PEAK1: variants seen among roughly 807,000 people sequenced by gnomAD.
PEAK1 encodes the protein inactive tyrosine-protein kinase PEAK1.
In PEAK1, 54 loss-of-function variants were observed where a neutral mutation model predicts 124.7. The ratio of observed to expected loss-of-function variants is 0.43; its 90% CI spans 0.35 to 0.54. The LOEUF is 0.54. Among genes scored for constraint, PEAK1 ranks in the 20% least tolerant of loss-of-function variants. The pLI is 0.01. For synonymous variants in PEAK1, 719 were observed against 760.0 expected (o/e 0.95, Z 0.89); for missense variants, 2,046 against 2,134.5 (o/e 0.96, Z 0.82).
chr15:77,191,221 T>C (rs1263823372), intron 6 of PEAK1, among the ~76,000 whole-genome samples: 2 of 152,350 alleles, frequency 1.3e-5, no homozygotes, highest in South Asian at 4.1e-4. Flanking sequence ...AGGAGTATAA[T>C]AACTACCGTC....
At position 77,205,774 on chromosome 15, in the gene PEAK1, C is replaced by A. The variant is rs367977447; in HGVS notation, c.-114-23734G>T. 3.9e-5 allele frequency among the ~76,000 whole-genome samples: 6 copies of A among 152,038 alleles called. No individual in the cohort carries two copies. In the East Asian group the frequency reaches 1.2e-3, roughly 29 times the overall value. ...ACTTGATAGCCATGTAAGGAAACTG[C>A]CTCCAAATTTTAAGCTGGGAAGTCA... On this transcript the variant is annotated intron_variant, in intron 6 of 9. Transcript: ENST00000682557.
At chr15:77,185,626 T>C (rs2057506731) in intron 6 of PEAK1, among the ~76,000 whole-genome samples, 1 of 152,196 alleles carries the variant, frequency 6.6e-6, no homozygotes, top group Non-Finnish European at 1.5e-5. Flanking sequence ...GAAACCAGAC[T>C]GCAGTGAGTT....
chr15:77,387,667 A>C lies in PEAK1; in HGVS notation c.-665-22442T>G, dbSNP rs557664826. 2.1e-3 allele frequency among the ~76,000 whole-genome samples: 318 copies of C among 152,324 alleles called. 15 individuals are homozygous for C. The South Asian group carries it at 0.064, about 30-fold the overall frequency. The stretch of plus-strand genomic sequence containing the variant: ...AAATGAAAAAGCATTACCCAGGAAA[A>C]TGTGTTATAAAGTTACTTGAGGAAG... On this transcript the variant is annotated intron_variant, in intron 1 of 9. Coordinates refer to ENST00000682557, the MANE Select transcript of PEAK1 (RefSeq NM_001385026.1).
At chr15:77,123,941 A>G (rs1345022795) in intron 9 of PEAK1, among the ~76,000 whole-genome samples, 1 of 152,186 alleles carries the variant, frequency 6.6e-6, no homozygotes, top group Non-Finnish European at 1.5e-5. Context: ...GGAGTTGAAA[A>G]TTAAATATTG....
intron 1 of PEAK1, among the ~76,000 whole-genome samples, chr15:77,374,720 A>G (rs2068878950): frequency 6.6e-6 from 1 of 152,168 alleles, no homozygotes; most frequent in Non-Finnish European, 1.5e-5. Context: ...AGTTTCAGAG[A>G]GCCATATGAT....
chr15:77,164,118 T>G (rs1424925424), intron 7 of PEAK1, among the ~76,000 whole-genome samples: 2 of 152,196 alleles, frequency 1.3e-5, no homozygotes, highest in Non-Finnish European at 2.9e-5. Context: ...CTTTAGGACC[T>G]CCTACGAATG....
Position 77,401,605 on chromosome 15 carries a change from T to C in PEAK1, c.-666+18401A>G, listed in dbSNP as rs191407164. Reference sequence around the variant, plus strand: ...AGATCAATTAAACTCCCAAATCAGCTACAAACATATCTTTGTATTTTCCAC... The same window carrying C: ...AGATCAATTAAACTCCCAAATCAGCCACAAACATATCTTTGTATTTTCCAC... On this transcript the variant is annotated intron_variant, in intron 1 of 9. Transcript: ENST00000682557. 218 of 984,048 alleles carry C rather than the reference T, an allele frequency of 2.2e-4. 1 individual carries two copies. The African/African-American group carries it at 3.3e-3, about 15-fold the overall frequency. 61.0% of individuals were successfully genotyped at this position (984,048 alleles called of 1,614,324 possible).
intron 2 of PEAK1, among the ~76,000 whole-genome samples, chr15:77,313,237 C>T (rs557330868): frequency 6.6e-6 from 1 of 152,182 alleles, no homozygotes; most frequent in South Asian, 2.1e-4. Flanking sequence ...ACTGAAAGAA[C>T]TTCCAATGGT....
At chr15:77,268,931 A>G (rs2061880470) in intron 5 of PEAK1, among the ~76,000 whole-genome samples, 1 of 152,136 alleles carries the variant, frequency 6.6e-6, no homozygotes, top group South Asian at 2.1e-4. Context: ...ATAAATGAAG[A>G]AAAGATATGG....
At position 77,178,969 on chromosome 15, in the gene PEAK1, G is replaced by A. The variant is rs377268993; in HGVS notation, c.2958C>T (p.Ala986=). 2 of 1,613,954 alleles carry A rather than the reference G, an allele frequency of 1.2e-6. No homozygotes were observed. Among genetic ancestry groups the A allele is most frequent in the African/African-American group, 1.3e-5 (1 of 74,900 alleles). ...EAKGESSEKP[A]IVFMYRCDPA... Reference sequence around the variant, plus strand: ...GGTCGCACCTGTACATGAAGACAATGGCTGGTTTCTCACTGGACTCTCCTT... The same window carrying A: ...GGTCGCACCTGTACATGAAGACAATAGCTGGTTTCTCACTGGACTCTCCTT... Residue 986 remains alanine, a synonymous_variant, in exon 7 of 10, where the codon GCC becomes GCT. Transcript: ENST00000682557.
chr15:77,363,455 T>C (rs1419583754), intron 2 of PEAK1, among the ~76,000 whole-genome samples: 1 of 152,130 alleles, frequency 6.6e-6, no homozygotes, highest in African/African-American at 2.4e-5. Context: ...CCACTCTGAC[T>C]CAGTACCTTC....
chr15:77,313,654 G>GTATGTA (rs1403212610), intron 2 of PEAK1, among the ~76,000 whole-genome samples: 22 of 95,020 alleles, frequency 2.3e-4, no homozygotes, highest in South Asian at 7.5e-4. Context: ...ATGTATGTAT[G>GTATGTA]TGTGTGTGTG....
At chr15:77,209,637 C>A (rs2058815200) in intron 6 of PEAK1, among the ~76,000 whole-genome samples, 1 of 152,184 alleles carries the variant, frequency 6.6e-6, no homozygotes, top group African/African-American at 2.4e-5. Context: ...CCTTTACCTG[C>A]ACAATGGGAT....
At chr15:77,285,725 T>A (rs556808145) in intron 3 of PEAK1, among the ~76,000 whole-genome samples, 7 of 152,326 alleles carry the variant, frequency 4.6e-5, no homozygotes, top group African/African-American at 1.2e-4. Flanking sequence ...CATTTTTTTT[T>A]ATTGCATCTA....
At chr15:77,387,718 C>A (rs1293936989) in intron 1 of PEAK1, among the ~76,000 whole-genome samples, 2 of 152,010 alleles carry the variant, frequency 1.3e-5, no homozygotes, top group Non-Finnish European at 2.9e-5. Flanking sequence ...AAAAAACAAG[C>A]AATAATTATC....
At chr15:77,241,353 C>CA (rs1263453699) in intron 6 of PEAK1, among the ~76,000 whole-genome samples, 9 of 151,974 alleles carry the variant, frequency 5.9e-5, no homozygotes, top group African/African-American at 2.2e-4. Context: ...AGGGCACCTA[C>CA]AAAAAAACTA....
chr15:77,156,184 A>C (rs1382603142), intron 8 of PEAK1: 1 of 154,500 alleles, frequency 6.5e-6, no homozygotes, highest in Non-Finnish European at 1.4e-5. Context: ...TGTTTACCTA[A>C]TCAAGCCTGG....
At chr15:77,412,894 T>C (rs2072532978) in intron 1 of PEAK1, among the ~76,000 whole-genome samples, 1 of 152,048 alleles carries the variant, frequency 6.6e-6, no homozygotes, top group Non-Finnish European at 1.5e-5. Context: ...GACACAGAAG[T>C]AGACCTAAAA....
intron 2 of PEAK1, among the ~76,000 whole-genome samples, chr15:77,324,115 T>G (rs564927910): frequency 6.6e-6 from 1 of 152,354 alleles, no homozygotes; most frequent in Admixed American, 6.5e-5. Flanking sequence ...CTTATTTATC[T>G]CTGTACTCCT....
Sources: allele counts gnomAD v4.1 joint callset (sites outside exome capture counted in the v4.1 genomes callset), GRCh38; gene constraint gnomAD v4.1.1; transcripts MANE v1.5; gene names NCBI Gene and HGNC (gene_info 2026-07-23, HGNC 2026-07-21).